Variants in DPYSL2 observed in about 807,000 individuals in gnomAD.
The protein encoded by DPYSL2 is dihydropyrimidinase-related protein 2.
A neutral mutation model predicts 69.9 loss-of-function variants in DPYSL2; 13 were observed. That is an observed-to-expected ratio of 0.19 (90% confidence interval 0.12 to 0.30). DPYSL2 has a LOEUF of 0.30. Ranked by LOEUF, DPYSL2 falls within the 10% of genes least tolerant of loss-of-function variation. DPYSL2 has a pLI of 1.00. For synonymous variants in DPYSL2, 326 were observed against 359.1 expected (o/e 0.91, Z 1.04); for missense variants, 587 against 918.9 (o/e 0.64, Z 4.67).
rs1232967592 is a variant in DPYSL2 at position 26,516,389 on chromosome 8, G to T, written c.354+1710G>T. On this transcript the variant is annotated intron_variant, in intron 1 of 13. Coordinates refer to ENST00000521913, the MANE Select transcript of DPYSL2 (RefSeq NM_001197293.3). This position sits in a 1 kb window ranked among gnomAD's most constrained non-coding sequence, Gnocchi z 4.8. ...TGGTTGAGTGAGTAGCCTCATGCAT[G>T]GCGAGTTGTGCTGGTGATTGTGATG... Among the ~76,000 whole-genome samples, 1 of 152,130 alleles carries T rather than the reference G, an allele frequency of 6.6e-6. No homozygotes were observed. Among genetic ancestry groups the T allele is most frequent in the Non-Finnish European group, 1.5e-5 (1 of 68,026 alleles).
In DPYSL2 at chr8:26,560,175, G is replaced by A. The variant is rs1007407794; in HGVS notation, c.355-21794G>A. ...AGGAGCAGACGCGACCATTCCCGAC[G>A]GCCTTGGCAGCTCACTCTGCCTGAA... On this transcript the variant is annotated intron_variant, in intron 1 of 13. Transcript: ENST00000521913. The surrounding 1 kb of genome is among the most constrained non-coding windows in gnomAD (Gnocchi z 4.4). Among the ~76,000 whole-genome samples, 5 of 152,104 alleles carry A rather than the reference G, an allele frequency of 3.3e-5. No individual in the cohort carries two copies. Among genetic ancestry groups the A allele is most frequent in the African/African-American group, 7.2e-5 (3 of 41,420 alleles).
intron 1 of DPYSL2, chr8:26,577,933 A>G: frequency 8.4e-7 from 1 of 1,194,296 alleles, no homozygotes; most frequent in Non-Finnish European, 1.0e-6. Flanking sequence ...GCCGACTTGA[A>G]CCGAGGCTTT....
rs17406372 is a variant in DPYSL2 at position 26,597,906 on chromosome 8, A to G, written c.628+13923A>G. Among the ~76,000 whole-genome samples the G allele has an allele frequency of 0.13, 19,359 of 151,848 alleles. 1,329 individuals carry two copies. The highest frequency in any genetic ancestry group is 0.15 in the Non-Finnish European group (10,421 of 67,940). On this transcript the variant is annotated intron_variant, in intron 3 of 13. Coordinates refer to ENST00000521913, the MANE Select transcript of DPYSL2 (RefSeq NM_001197293.3). This position sits in a 1 kb window ranked among gnomAD's most constrained non-coding sequence, Gnocchi z 5.2. ...AATCCAGGGAGAAACATGAAGTGTA[A>G]TGGAAAGAATTTGAGGCCCAACCTT...
intron 1 of DPYSL2, among the ~76,000 whole-genome samples, chr8:26,576,871 C>G (rs1036886949): frequency 7.9e-5 from 12 of 152,202 alleles, no homozygotes; most frequent in African/African-American, 2.7e-4. Flanking sequence ...GCGCTGGGAT[C>G]GCAGCAGCTG....
intron 3 of DPYSL2, among the ~76,000 whole-genome samples, chr8:26,608,571 C>G (rs1390783804): frequency 6.6e-6 from 1 of 152,142 alleles, no homozygotes; most frequent in Non-Finnish European, 1.5e-5. Flanking sequence ...ACCCTGGACT[C>G]CCAGCTGTCC....
In DPYSL2 at chr8:26,560,541, A is replaced by C. The variant is rs544128312; in HGVS notation, c.355-21428A>C. On this transcript the variant is annotated intron_variant, in intron 1 of 13. Transcript: ENST00000521913. This position sits in a 1 kb window ranked among gnomAD's most constrained non-coding sequence, Gnocchi z 4.4. ...CTCACAGCCAGGCTCTGTGGGCTGCACCCCATGAGAAATTCTAGGTGAAGG... is the reference window on the plus strand; with the variant it reads ...CTCACAGCCAGGCTCTGTGGGCTGCCCCCCATGAGAAATTCTAGGTGAAGG... Among the ~76,000 whole-genome samples, 1 of 152,148 alleles carries C rather than the reference A, an allele frequency of 6.6e-6. No individual in the cohort carries two copies. The highest frequency in any genetic ancestry group is 2.4e-5 in the African/African-American group (1 of 41,502).
rs146169800 is a variant in DPYSL2, at chr8:26,534,618, T to G, written c.354+19939T>G. Among the ~76,000 whole-genome samples, 516 of 152,088 alleles carry G rather than the reference T, an allele frequency of 3.4e-3. 3 individuals carry two copies. The highest frequency in any genetic ancestry group is 0.012 in the African/African-American group (496 of 41,502). ...AAATGAAAATATAGGACACACTGTA[T>G]TTTTTTATTTTATTTATTATTATTA... On this transcript the variant is annotated intron_variant, in intron 1 of 13. Coordinates refer to ENST00000521913, the MANE Select transcript of DPYSL2 (RefSeq NM_001197293.3).
At chr8:26,615,154 T>C (rs73226180) in intron 3 of DPYSL2, among the ~76,000 whole-genome samples, 10,080 of 152,236 alleles carry the variant, frequency 0.066, 377 homozygotes, top group East Asian at 0.1. Context: ...TTAATCTTAC[T>C]GTCTGTTCAG....
In DPYSL2 at chr8:26,627,180, C is replaced by G; in HGVS notation, c.856-35C>G. Reference sequence around the variant, plus strand: ...TCTTTGTGAACAGGAAGATGGAAGTCCCTGTCTCTGATCCCACCCTTGTCT... The same window carrying G: ...TCTTTGTGAACAGGAAGATGGAAGTGCCTGTCTCTGATCCCACCCTTGTCT... On this transcript the variant is annotated intron_variant, in intron 5 of 13. Transcript: ENST00000521913. This position sits in a 1 kb window ranked among gnomAD's most constrained non-coding sequence, Gnocchi z 6.9. The G allele has an allele frequency of 1.3e-6, 2 of 1,589,704 alleles. No individual in the cohort carries two copies. Among genetic ancestry groups the G allele is most frequent in the Non-Finnish European group, 1.7e-6 (2 of 1,157,840 alleles).
rs543220328 is a variant in DPYSL2, at chr8:26,569,831, C to T, written c.355-12138C>T. ...GAACAGCAGCCACAAAGGGCCATTG[C>T]AGGGAAAGGAAGGACATCAGTGTGC... On this transcript the variant is annotated intron_variant, in intron 1 of 13. Transcript: ENST00000521913. Among the ~76,000 whole-genome samples the T allele has an allele frequency of 2.0e-5, 3 of 152,072 alleles. No homozygotes were observed. The East Asian group carries it at 5.8e-4, about 29-fold the overall frequency.
intron 7 of DPYSL2, among the ~76,000 whole-genome samples, chr8:26,631,768 G>C (rs1174806564): frequency 6.6e-6 from 1 of 152,072 alleles, no homozygotes; most frequent in African/African-American, 2.4e-5. Flanking sequence ...GAGGCGAGGA[G>C]GGGGGATGCA....
At chr8:26,579,954 G>GCCCC (rs56385974) in intron 1 of DPYSL2, among the ~76,000 whole-genome samples, 12 of 122,562 alleles carry the variant, frequency 9.8e-5, no homozygotes, top group Non-Finnish European at 1.6e-4. Context: ...TTTAAAGAGC[G>GCCCC]CCCCCCCCCC....
At chr8:26,535,299 A>G (rs192165885) in intron 1 of DPYSL2, among the ~76,000 whole-genome samples, 3 of 152,126 alleles carry the variant, frequency 2.0e-5, no homozygotes, top group East Asian at 1.9e-4. Context: ...CAAAGGCCCT[A>G]CCTCCAGATA....
intron 3 of DPYSL2, among the ~76,000 whole-genome samples, chr8:26,622,101 C>CCTTA (rs1802496979): frequency 2.8e-5 from 1 of 35,734 alleles, no homozygotes; most frequent in Non-Finnish European, 7.6e-5. Flanking sequence ...TTCCTTCCTT[C>CCTTA]CTTCCTTCCT....
rs1244909997 is a variant in DPYSL2, at chr8:26,614,459, G to A, written c.629-9684G>A. 5.3e-5 allele frequency among the ~76,000 whole-genome samples: 8 copies of A among 152,154 alleles called. No individual in the cohort carries two copies. The highest frequency in any genetic ancestry group is 8.8e-5 in the Non-Finnish European group (6 of 68,028). On this transcript the variant is annotated intron_variant, in intron 3 of 13. Coordinates refer to ENST00000521913, the MANE Select transcript of DPYSL2 (RefSeq NM_001197293.3). The surrounding 1 kb of genome is among the most constrained non-coding windows in gnomAD (Gnocchi z 4.9). ...GGATCATTTTATCCGTATCCCTTTC[G>A]TATCTTTTAGTGAGTTTTTGTTTTC...
At chr8:26,529,930 C>T (rs1350548789) in intron 1 of DPYSL2, among the ~76,000 whole-genome samples, 1 of 150,980 alleles carries the variant, frequency 6.6e-6, no homozygotes, top group Non-Finnish European at 1.5e-5. Context: ...GGCTAACATG[C>T]TGAAACCTCG....
intron 1 of DPYSL2, among the ~76,000 whole-genome samples, chr8:26,553,278 A>T (rs191903708): frequency 6.6e-6 from 1 of 152,178 alleles, no homozygotes; most frequent in Non-Finnish European, 1.5e-5. Flanking sequence ...TTATATAGGT[A>T]AACTTATGTC....
At chr8:26,544,640 C>T (rs1185327941) in intron 1 of DPYSL2, among the ~76,000 whole-genome samples, 1 of 152,166 alleles carries the variant, frequency 6.6e-6, no homozygotes, top group Non-Finnish European at 1.5e-5. Context: ...CTCTCCACCG[C>T]CAATCTGATG....
intron 1 of DPYSL2, among the ~76,000 whole-genome samples, chr8:26,546,554 A>G (rs1800771101): frequency 6.6e-6 from 1 of 152,122 alleles, no homozygotes. Context: ...TAAATGTTAC[A>G]TAATTGGGAT....
Sources: gnomAD v4.1 joint callset for allele counts (sites outside exome capture counted in the v4.1 genomes callset) on GRCh38, gnomAD v4.1.1 for gene constraint, Gnocchi (gnomAD v3.1) non-coding constraint, MANE v1.5 for transcripts, NCBI Gene and HGNC (gene_info 2026-07-23, HGNC 2026-07-21) for gene names.